Variants in FRMD6 observed in about 807,000 individuals in gnomAD.
FRMD6 encodes the protein FERM domain-containing protein 6.
A neutral mutation model predicts 73.2 loss-of-function variants in FRMD6; 37 were observed. The ratio of observed to expected loss-of-function variants is 0.51; its 90% CI spans 0.39 to 0.66. The LOEUF is 0.66. Ranked by LOEUF, FRMD6 falls within the 30% of genes least tolerant of loss-of-function variation. The probability of loss-of-function intolerance (pLI) is 0.00; values close to 1 mark genes in which losing one functional copy is unlikely to be tolerated. For missense variants in FRMD6, 714 were observed against 780.5 expected (o/e 0.91, Z 1.02); for synonymous variants, 273 against 282.2 (o/e 0.97, Z 0.33).
In FRMD6 at chr14:51,651,981, C is replaced by G. The variant is rs1378334131; in HGVS notation, c.-162C>G. ...ACCAGAGAGCCCAACGCCTGGTGCT[C>G]AAGACTTTCTCCGAGGTATGAACAA... is the stretch of plus-strand genomic sequence containing the variant. On this transcript the variant is annotated 5_prime_UTR_variant, in exon 1 of 14. Coordinates refer to ENST00000344768, the MANE Select transcript of FRMD6 (RefSeq NM_001267046.2). 6.6e-6 allele frequency: 1 copy of G among 152,154 alleles called. No individual in the cohort carries two copies. Among genetic ancestry groups the G allele is most frequent in the Non-Finnish European group, 1.5e-5 (1 of 68,060 alleles). 9.4% of individuals were successfully genotyped at this position (152,154 alleles called of 1,614,324 possible). A position where few individuals can be genotyped will look rare whatever the true frequency, so the allele number is the denominator to read the frequency against.
intron 9 of FRMD6, 39 bp from the exon 10 acceptor site, chr14:51,715,286 T>C (rs756945894): frequency 1.4e-6 from 2 of 1,439,062 alleles, no homozygotes; most frequent in Admixed American, 2.4e-5. Flanking sequence ...AAATCAGAGA[T>C]TTTTCTTCCT....
the FRMD6 span, chr14:51,454,804 C>A: frequency 6.7e-6 from 1 of 149,098 alleles, no homozygotes; most frequent in Non-Finnish European, 1.5e-5. Context: ...TCTCCATTCC[C>A]TTTGTTAGGT....
intron 10 of FRMD6, among the ~76,000 whole-genome samples, chr14:51,716,872 T>C (rs1428834254): frequency 2.0e-5 from 3 of 152,186 alleles, no homozygotes; most frequent in Non-Finnish European, 2.9e-5. Context: ...CCTGTGAGAA[T>C]AGGTGACATA....
the FRMD6 span, among the ~76,000 whole-genome samples, chr14:51,468,160 G>A: frequency 0.56 from 84,662 of 151,596 alleles, 23,891 homozygotes; most frequent in East Asian, 0.69. Flanking sequence ...GCATGGCGGC[G>A]CGCGCCTGCA....
At chr14:51,615,957 A>G (rs1322035085) in intron 2 of FRMD6, among the ~76,000 whole-genome samples, 1 of 152,222 alleles carries the variant, frequency 6.6e-6, no homozygotes. Context: ...CTAAAGATGC[A>G]GGAGACTTAA....
intron 3 of FRMD6, among the ~76,000 whole-genome samples, chr14:51,700,105 C>T (rs61969850): frequency 0.019 from 2,829 of 151,998 alleles, 48 homozygotes; most frequent in Non-Finnish European, 0.026. Flanking sequence ...GTGTGCACAT[C>T]TTTGGAGTAG....
chr14:51,559,522 C>T (rs1887360211), intron 1 of FRMD6, among the ~76,000 whole-genome samples: 1 of 150,916 alleles, frequency 6.6e-6, no homozygotes, highest in Admixed American at 6.6e-5. Context: ...GATAAATTCT[C>T]AGGCATATGA....
Position 51,540,913 on chromosome 14 carries a change from T to C in FRMD6, c.-209-29435T>C, listed in dbSNP as rs1886168800. 3.9e-5 allele frequency among the ~76,000 whole-genome samples: 6 copies of C among 152,136 alleles called. No homozygotes were observed. In the South Asian group the frequency reaches 1.0e-3, roughly 26 times the overall value. The stretch of plus-strand genomic sequence containing the variant: ...TGAAACAAGAATGGAAAAGGAAGTT[T>C]ATGAAAGCACAATACTCAAATCCAT... On this transcript the variant is annotated intron_variant, in intron 1 of 14. Coordinates refer to the FRMD6 transcript ENST00000356218.
intron 2 of FRMD6, among the ~76,000 whole-genome samples, chr14:51,603,201 T>A (rs1265571357): frequency 1.3e-5 from 2 of 152,182 alleles, no homozygotes; most frequent in Admixed American, 6.5e-5. Context: ...ACCTTGATAT[T>A]GGACTTCCCA....
At chr14:51,536,830 AT>A (rs1356034591) in intron 1 of FRMD6, among the ~76,000 whole-genome samples, 12 of 152,308 alleles carry the variant, frequency 7.9e-5, no homozygotes, top group African/African-American at 2.4e-4. Flanking sequence ...AGTGATATGG[AT>A]AATGGAGTTT....
intron 1 of FRMD6, among the ~76,000 whole-genome samples, chr14:51,524,135 C>A (rs1218871786): frequency 2.0e-5 from 3 of 152,092 alleles, no homozygotes; most frequent in Non-Finnish European, 4.4e-5. Flanking sequence ...ATGTGATTTG[C>A]AGTTAAGAAT....
the FRMD6 span, among the ~76,000 whole-genome samples, chr14:51,471,501 G>GA: frequency 0.042 from 5,067 of 119,418 alleles, 113 homozygotes; most frequent in African/African-American, 0.071. Flanking sequence ...ACTCCGTCTC[G>GA]AAAAAAAAAA....
At chr14:51,501,882 A>G (rs1009769074) in intron 1 of FRMD6, among the ~76,000 whole-genome samples, 12 of 152,120 alleles carry the variant, frequency 7.9e-5, no homozygotes, top group Non-Finnish European at 1.6e-4. Flanking sequence ...CCTTGCCAGC[A>G]TCTGTTGTTT....
At chr14:51,584,649 G>A (rs1888919206) in intron 2 of FRMD6, among the ~76,000 whole-genome samples, 1 of 152,088 alleles carries the variant, frequency 6.6e-6, no homozygotes, top group Non-Finnish European at 1.5e-5. Flanking sequence ...TCATCAGCAT[G>A]TGAGCAAGTC....
chr14:51,595,943 T>C (rs1251910436), intron 2 of FRMD6, among the ~76,000 whole-genome samples: 1 of 152,134 alleles, frequency 6.6e-6, no homozygotes, highest in Non-Finnish European at 1.5e-5. Context: ...GTATGTAGGG[T>C]TTTACATATT....
At chr14:51,642,527 A>T (rs1891860686) in intron 2 of FRMD6, among the ~76,000 whole-genome samples, 1 of 152,052 alleles carries the variant, frequency 6.6e-6, no homozygotes, top group South Asian at 2.1e-4. Context: ...CAAGAGAGAA[A>T]CTCCATCTCC....
the FRMD6 span, among the ~76,000 whole-genome samples, chr14:51,409,918 A>G: frequency 6.6e-6 from 1 of 152,190 alleles, no homozygotes; most frequent in Non-Finnish European, 1.5e-5. Flanking sequence ...GTGCCATCTT[A>G]GACCATCTCC....
chr14:51,653,140 T>TTC (rs1566532313), intron 1 of FRMD6, among the ~76,000 whole-genome samples: 1 of 152,234 alleles, frequency 6.6e-6, no homozygotes, highest in Non-Finnish European at 1.5e-5. Context: ...TGCTTCTGAC[T>TTC]TCCAGCCTGT....
chr14:51,557,318 A>G (rs930224609), intron 1 of FRMD6, among the ~76,000 whole-genome samples: 1 of 152,106 alleles, frequency 6.6e-6, no homozygotes, highest in Admixed American at 6.5e-5. Flanking sequence ...CTTTAAAGAG[A>G]AGAAGGAAAT....
Sources: allele counts gnomAD v4.1 joint callset (sites outside exome capture counted in the v4.1 genomes callset), GRCh38; gene constraint gnomAD v4.1.1; transcripts MANE v1.5; gene names NCBI Gene and HGNC (gene_info 2026-07-23, HGNC 2026-07-21).